Variants in CGNL1 observed in about 807,000 individuals in gnomAD.
CGNL1 encodes cingulin like 1, also known as cingulin-like protein 1.
CGNL1 carries 132 observed loss-of-function variants against 141.2 expected under a neutral mutation model. That is an observed-to-expected ratio of 0.93 (90% CI 0.81 to 1.08). The LOEUF is 1.08. Among genes scored for constraint, CGNL1 ranks in the 50% least tolerant of loss-of-function variants. The pLI is 0.00. For missense variants in CGNL1, 1,870 were observed against 1,588.6 expected (o/e 1.18, Z -3.01); for synonymous variants, 690 against 622.1 (o/e 1.11, Z -1.63).
chr15:57,520,286 T>G (rs2031161299), intron 10 of CGNL1, among the ~76,000 whole-genome samples: 1 of 152,196 alleles, frequency 6.6e-6, no homozygotes, highest in Non-Finnish European at 1.5e-5. Context: ...GTCAGCTCCT[T>G]TTGTTTGGTT....
intron 12 of CGNL1, chr15:57,527,080 G>A (rs1317203455): frequency 1.3e-5 from 2 of 152,116 alleles, no homozygotes; most frequent in Non-Finnish European, 2.9e-5. Context: ...TTAACGCTCT[G>A]GAATATAGCA....
At chr15:57,437,224 A>G (rs536882975) in intron 1 of CGNL1, among the ~76,000 whole-genome samples, 5 of 152,340 alleles carry the variant, frequency 3.3e-5, no homozygotes, top group African/African-American at 1.2e-4. Flanking sequence ...CACAAAACAC[A>G]GAGCCCTGAG....
At chr15:57,443,933 A>T (rs2063221294) in intron 4 of CGNL1, among the ~76,000 whole-genome samples, 1 of 152,170 alleles carries the variant, frequency 6.6e-6, no homozygotes, top group Non-Finnish European at 1.5e-5. Context: ...TTCAACAAAT[A>T]TCCTTTTTAT....
chr15:57,542,394 T>C (rs1408204611), intron 14 of CGNL1, among the ~76,000 whole-genome samples: 1 of 152,236 alleles, frequency 6.6e-6, no homozygotes, highest in Non-Finnish European at 1.5e-5. Context: ...TGCCCTCTGC[T>C]GGACAGTTCT....
chr15:57,445,447 C>T (rs1046314026), intron 4 of CGNL1, among the ~76,000 whole-genome samples: 10 of 152,204 alleles, frequency 6.6e-5, no homozygotes, highest in South Asian at 2.1e-4. Context: ...TTTATCTTTG[C>T]GGTGTCACTT....
At chr15:57,465,793 C>A (rs2152338377) in intron 8 of CGNL1, among the ~76,000 whole-genome samples, 1 of 152,304 alleles carries the variant, frequency 6.6e-6, no homozygotes, top group African/African-American at 2.4e-5. Flanking sequence ...CCCTAAAGTG[C>A]TATTTTATCG....
intron 8 of CGNL1, among the ~76,000 whole-genome samples, chr15:57,470,357 G>C (rs1329297452): frequency 6.9e-6 from 1 of 145,006 alleles, no homozygotes; most frequent in Non-Finnish European, 1.5e-5. Flanking sequence ...AAGAGGTCTA[G>C]AGTGGTGTCC....
intron 7 of CGNL1, among the ~76,000 whole-genome samples, chr15:57,460,711 A>G (rs1224320981): frequency 6.6e-6 from 1 of 152,174 alleles, no homozygotes; most frequent in South Asian, 2.1e-4. Context: ...ACATGGGGAA[A>G]ACTATCCACG....
At chr15:57,511,722 C>T (rs997630379) in intron 8 of CGNL1, among the ~76,000 whole-genome samples, 2 of 152,156 alleles carry the variant, frequency 1.3e-5, no homozygotes, top group Middle Eastern at 3.2e-3. Context: ...TAGAAAATGG[C>T]ACAGTTGTTA....
chr15:57,411,487 A>T (rs11852307), intron 1 of CGNL1, among the ~76,000 whole-genome samples: 15,856 of 147,178 alleles, frequency 0.11, 948 homozygotes, highest in Middle Eastern at 0.21. Context: ...TCTGTCACCC[A>T]GGCTGGAGTG....
At position 57,439,147 on chromosome 15, in the gene CGNL1, G is replaced by A. The variant is rs767775655; in HGVS notation, c.1148G>A (p.Arg383Lys). Residue 383 changes from arginine to lysine, a missense_variant, in exon 2 of 19, where the codon AGG becomes AAG. Transcript: ENST00000281282. ...GKRNRINTDDRKRSRSVDSAF... is the reference protein window; with the variant it reads ...GKRNRINTDDKKRSRSVDSAF... ...CGAAACAGAATTAATACAGATGACA[G>A]GAAAAGATCCAGAAGCGTGGATAGC... 2.5e-6 allele frequency: 4 copies of A among 1,614,050 alleles called. No individual in the cohort carries two copies. The highest frequency in any genetic ancestry group is 3.4e-6 in the Non-Finnish European group (4 of 1,180,036).
intron 1 of CGNL1, among the ~76,000 whole-genome samples, chr15:57,426,701 C>T (rs1482751023): frequency 6.6e-6 from 1 of 151,546 alleles, no homozygotes; most frequent in East Asian, 1.9e-4. Context: ...TAAAGTGATC[C>T]GCCTGCCTCA....
At chr15:57,401,855 C>T (rs1047590308) in intron 1 of CGNL1, among the ~76,000 whole-genome samples, 1 of 152,136 alleles carries the variant, frequency 6.6e-6, no homozygotes, top group Non-Finnish European at 1.5e-5. Flanking sequence ...TTCCCAGCCT[C>T]CCCTTCTCCT....
chr15:57,488,211 T>C (rs2063810600), intron 8 of CGNL1, among the ~76,000 whole-genome samples: 1 of 152,232 alleles, frequency 6.6e-6, no homozygotes, highest in Admixed American at 6.5e-5. Context: ...TTTGGAGAGC[T>C]ATCTGTTCAG....
chr15:57,472,605 A>G (rs1301635343), intron 8 of CGNL1, among the ~76,000 whole-genome samples: 3 of 152,136 alleles, frequency 2.0e-5, no homozygotes, highest in Non-Finnish European at 4.4e-5. Context: ...GGTCTCTTCC[A>G]CAATTTCATT....
At chr15:57,490,197 A>G (rs1228994086) in intron 8 of CGNL1, among the ~76,000 whole-genome samples, 2 of 152,206 alleles carry the variant, frequency 1.3e-5, no homozygotes, top group Non-Finnish European at 2.9e-5. Context: ...AAAGCTGTGT[A>G]ACCTCAGGCA....
chr15:57,453,814 T>C lies in CGNL1; in HGVS notation c.2186T>C (p.Ile729Thr), dbSNP rs1406243373. ...RSEDREKGAL[I>T]EELLQAKQDL... ...GAGGACAGGGAGAAGGGAGCTCTGA[T>C]TGAGGTAAGCAGGGCTGTGGGGTCA... The change falls in exon 7 of 19, where the codon ATT becomes ACT. Residue 729 changes from isoleucine (I) to threonine (T), a missense_variant. Physicochemically the swap from Ile to Thr is moderately conservative, Grantham distance 89. Transcript: ENST00000281282. 12 of 1,613,074 alleles carry C rather than the reference T, an allele frequency of 7.4e-6. No individual in the cohort carries two copies. The highest frequency in any genetic ancestry group is 2.7e-5 in the African/African-American group (2 of 74,826).
chr15:57,465,792 G>A (rs2152338373), intron 8 of CGNL1, among the ~76,000 whole-genome samples: 1 of 152,164 alleles, frequency 6.6e-6, no homozygotes, highest in African/African-American at 2.4e-5. Context: ...CCCCTAAAGT[G>A]CTATTTTATC....
intron 1 of CGNL1, among the ~76,000 whole-genome samples, chr15:57,385,685 C>G (rs923129811): frequency 1.3e-5 from 2 of 152,170 alleles, no homozygotes; most frequent in Admixed American, 6.5e-5. Flanking sequence ...CCCATACAGT[C>G]AAGCCATATC....
Sources: allele counts gnomAD v4.1 joint callset (sites outside exome capture counted in the v4.1 genomes callset), GRCh38; gene constraint gnomAD v4.1.1; transcripts MANE v1.5; gene names NCBI Gene and HGNC (gene_info 2026-07-23, HGNC 2026-07-21).